The following SLC45A1 variants were observed in gnomAD, a reference collection of about 807,000 sequenced individuals.
The protein encoded by SLC45A1 is proton-associated sugar transporter A.
SLC45A1 carries 28 observed loss-of-function variants against 57.6 expected under a neutral mutation model. The observed-to-expected ratio is 0.49, with a 90% confidence interval of 0.36 to 0.67. SLC45A1 has a LOEUF of 0.67. SLC45A1 is among the 30% of genes least tolerant of loss of function. SLC45A1 has a pLI of 0.00. For missense variants in SLC45A1, 814 were observed against 1,041.5 expected (o/e 0.78, Z 3.01); for synonymous variants, 459 against 471.5 (o/e 0.97, Z 0.34).
intron 1 of SLC45A1, among the ~76,000 whole-genome samples, chr1:8,320,633 CTCTGTCTG>C (rs59588975): frequency 4.6e-5 from 7 of 151,558 alleles, no homozygotes; most frequent in African/African-American, 9.7e-5. Context: ...TAGAGGGAGA[CTCTGTCTG>C]TCTGTCTGTC....
chr1:8,329,195 C>G (rs1187097286), intron 4 of SLC45A1, among the ~76,000 whole-genome samples: 1 of 152,210 alleles, frequency 6.6e-6, no homozygotes, highest in Admixed American at 6.5e-5. Flanking sequence ...TTGGGCGTGT[C>G]TGAAGCCCAA....
In SLC45A1 at chr1:8,330,348, G is replaced by A. The variant is rs1640349130; in HGVS notation, c.855G>A (p.Leu285=). The A allele has an allele frequency of 2.5e-6, 4 of 1,613,482 alleles. No homozygotes were observed. The highest frequency in any genetic ancestry group is 3.4e-6 in the Non-Finnish European group (4 of 1,180,010). ...TGAGCGTCACCACCGTCCTGACCCTGGTCAGCATCCCTGAGAGGCCGCTGC... is the reference window on the plus strand; with the variant it reads ...TGAGCGTCACCACCGTCCTGACCCTAGTCAGCATCCCTGAGAGGCCGCTGC... ...VTLSVTTVLT[L]VSIPERPLRP... is the part of the protein sequence containing the mutation. Residue 285 remains leucine (L), a synonymous_variant, in exon 5 of 9, where the codon CTG becomes CTA. Coordinates refer to ENST00000471889, the MANE Select transcript of SLC45A1 (RefSeq NM_001080397.3). The surrounding 1 kb of genome is among the most constrained non-coding windows in gnomAD (Gnocchi z 8.4).
chr1:8,342,042 C>A (rs1640837769), intron 8 of SLC45A1, among the ~76,000 whole-genome samples: 1 of 151,986 alleles, frequency 6.6e-6, no homozygotes, highest in South Asian at 2.1e-4. Context: ...CCCTTCTCTA[C>A]TAAAAATACA....
chr1:8,332,403 G>A (rs527803276), intron 5 of SLC45A1, among the ~76,000 whole-genome samples: 1 of 152,278 alleles, frequency 6.6e-6, no homozygotes, highest in African/African-American at 2.4e-5. Context: ...CGAAGGCCAA[G>A]AACCTTCTGG....
At chr1:8,337,678 A>T (rs551174260) in intron 6 of SLC45A1, 138 bp from the exon 7 acceptor site, 1 of 732,438 alleles carries the variant, frequency 1.4e-6, no homozygotes, top group African/African-American at 1.8e-5. Context: ...TCAGCCTCCC[A>T]AAGTGCTGGG....
intron 7 of SLC45A1, 58 bp from the exon 8 acceptor site, chr1:8,339,435 G>A: frequency 6.4e-7 from 1 of 1,568,958 alleles, no homozygotes; most frequent in South Asian, 1.1e-5. Flanking sequence ...GGCACTGGAA[G>A]CTGAATCCCC....
At position 8,344,028 on chromosome 1, in the gene SLC45A1, G is replaced by T; in HGVS notation, c.*15G>T. The T allele has an allele frequency of 6.3e-7, 1 of 1,596,698 alleles. No individual in the cohort carries two copies. Among genetic ancestry groups the T allele is most frequent in the East Asian group, 2.2e-5 (1 of 44,468 alleles). ...TGAACGTCTGACATCGCGGAGCCTC[G>T]ACTCCGGACACGCGCCTGCACCTGG... is the stretch of plus-strand genomic sequence containing the variant. On this transcript the variant is annotated 3_prime_UTR_variant, in exon 9 of 9. Coordinates refer to ENST00000471889, the MANE Select transcript of SLC45A1 (RefSeq NM_001080397.3).
At position 8,325,844 on chromosome 1, in the gene SLC45A1, C is replaced by T; in HGVS notation, c.517C>T (p.Leu173=). 1 of 1,613,724 alleles carries T rather than the reference C, an allele frequency of 6.2e-7. No individual in the cohort carries two copies. ...IGALLGLSLL[L]NGRDIGIALA... is the part of the protein sequence containing the mutation. Reference sequence around the variant, plus strand: ...GGCACTGCTGGGCCTCTCGCTCTTGCTGAATGGCCGGGACATTGGCATCGC... The same window carrying T: ...GGCACTGCTGGGCCTCTCGCTCTTGTTGAATGGCCGGGACATTGGCATCGC... Residue 173 remains leucine, a synonymous_variant, in exon 4 of 9, where the codon CTG becomes TTG. Transcript: ENST00000471889. This position sits in a 1 kb window ranked among gnomAD's most constrained non-coding sequence, Gnocchi z 6.3.
intron 1 of SLC45A1, among the ~76,000 whole-genome samples, chr1:8,323,227 T>A (rs1640085646): frequency 6.6e-6 from 1 of 152,102 alleles, no homozygotes. Context: ...GCACGGTGGC[T>A]CACGCCTGTA....
intron 1 of SLC45A1, among the ~76,000 whole-genome samples, chr1:8,322,207 A>G (rs1337391729): frequency 1.0e-3 from 60 of 57,954 alleles, no homozygotes; most frequent in Middle Eastern, 0.022. Flanking sequence ...GAGTGGGTGG[A>G]TGGATGGGTG....
chr1:8,343,652 C>T lies in SLC45A1; in HGVS notation c.1981-95C>T, dbSNP rs957705020. 31 of 1,424,358 alleles carry T rather than the reference C, an allele frequency of 2.2e-5. No homozygotes were observed. Among genetic ancestry groups the T allele is most frequent in the Middle Eastern group, 1.8e-4 (1 of 5,462 alleles). 88.2% of individuals were successfully genotyped at this position (1,424,358 alleles called of 1,614,324 possible). A position where few individuals can be genotyped will look rare whatever the true frequency, so the allele number is the denominator to read the frequency against. ...AAATGTGAGGCCGCTGTGTGTGGGC[C>T]GCTCGGGCCTCCTGGGCTCGCAGGA... On this transcript the variant is annotated intron_variant, in intron 8 of 8. Coordinates refer to ENST00000471889, the MANE Select transcript of SLC45A1 (RefSeq NM_001080397.3). The surrounding 1 kb of genome is among the most constrained non-coding windows in gnomAD (Gnocchi z 7.7).
intron 5 of SLC45A1, among the ~76,000 whole-genome samples, chr1:8,333,943 G>A (rs559986183): frequency 2.0e-5 from 3 of 152,368 alleles, no homozygotes; most frequent in African/African-American, 4.8e-5. Context: ...TGAGGAACTG[G>A]AAATCACTGG....
At chr1:8,329,582 C>G (rs113632217) in intron 4 of SLC45A1, among the ~76,000 whole-genome samples, 95 of 152,356 alleles carry the variant, frequency 6.2e-4, no homozygotes, top group African/African-American at 2.1e-3. Flanking sequence ...TCCTGCCATG[C>G]TCTGTGGCCA....
At chr1:8,339,748 C>T in intron 8 of SLC45A1, 50 bp downstream of exon 8, 1 of 1,498,966 alleles carries the variant, frequency 6.7e-7, no homozygotes, top group Non-Finnish European at 9.3e-7. Flanking sequence ...GGAGAAACCC[C>T]ACCTGAGAAC....
chr1:8,344,124 A>C lies in SLC45A1; in HGVS notation c.*111A>C. On this transcript the variant is annotated 3_prime_UTR_variant, in exon 9 of 9. Transcript: ENST00000471889. ...ACAGGGGGACTGGCTGCCTACTGGAATGTAAATATGTGATAAAATAATAAA... is the reference window on the plus strand; with the variant it reads ...ACAGGGGGACTGGCTGCCTACTGGACTGTAAATATGTGATAAAATAATAAA... 2 of 968,712 alleles carry C rather than the reference A, an allele frequency of 2.1e-6. No homozygotes were observed. The highest frequency in any genetic ancestry group is 3.0e-6 in the Non-Finnish European group (2 of 671,012). 60.0% of individuals were successfully genotyped at this position (968,712 alleles called of 1,614,324 possible). A position where few individuals can be genotyped will look rare whatever the true frequency, so the allele number is the denominator to read the frequency against.
chr1:8,329,094 G>A (rs80046868), intron 4 of SLC45A1, among the ~76,000 whole-genome samples: 34,757 of 152,062 alleles, frequency 0.23, 4,274 homozygotes, highest in Middle Eastern at 0.4. Context: ...GAAAAGGCCC[G>A]TCTGGGACAA....
In SLC45A1 at chr1:8,335,848, C is replaced by T. The variant is rs1640594521; in HGVS notation, c.1597+258C>T. Reference sequence around the variant, plus strand: ...ACATAGCTCACTCTGGGCCCGACACCTGGGTCCCCACAGAGCCAAAATTCT... The same window carrying T: ...ACATAGCTCACTCTGGGCCCGACACTTGGGTCCCCACAGAGCCAAAATTCT... On this transcript the variant is annotated intron_variant, in intron 6 of 8. Transcript: ENST00000471889. This position sits in a 1 kb window ranked among gnomAD's most constrained non-coding sequence, Gnocchi z 4.1. 6.6e-6 allele frequency among the ~76,000 whole-genome samples: 1 copy of T among 152,174 alleles called. No homozygotes were observed. The highest frequency in any genetic ancestry group is 1.5e-5 in the Non-Finnish European group (1 of 68,028).
At chr1:8,324,127 C>T (rs1268031415) in intron 1 of SLC45A1, among the ~76,000 whole-genome samples, 179 bp from the exon 2 acceptor site, 1 of 152,116 alleles carries the variant, frequency 6.6e-6, no homozygotes, top group African/African-American at 2.4e-5. Context: ...GGGCTTTGGC[C>T]TCCTGGGGCA....
At chr1:8,342,100 T>A (rs1034897048) in intron 8 of SLC45A1, among the ~76,000 whole-genome samples, 3 of 141,976 alleles carry the variant, frequency 2.1e-5, no homozygotes, top group East Asian at 2.1e-4. Flanking sequence ...CCAGCTACTC[T>A]GGAGGCTGAG....
Sources: gnomAD v4.1 joint callset for allele counts (sites outside exome capture counted in the v4.1 genomes callset) on GRCh38, gnomAD v4.1.1 for gene constraint, Gnocchi (gnomAD v3.1) non-coding constraint, MANE v1.5 for transcripts, NCBI Gene and HGNC (gene_info 2026-07-23, HGNC 2026-07-21) for gene names.